Variants in ULK4 observed in about 807,000 individuals in gnomAD.
ULK4 encodes the protein inactive serine/threonine-protein kinase ULK4.
Under a neutral mutation model 160.6 loss-of-function variants are expected in ULK4, and 133 were observed. That is an observed-to-expected ratio of 0.83 (90% CI 0.72 to 0.96). ULK4 has a LOEUF of 0.96. Ranked by LOEUF, ULK4 falls within the 40% of genes least tolerant of loss-of-function variation. The probability of loss-of-function intolerance (pLI) is 0.00; values close to 1 mark genes in which losing one functional copy is unlikely to be tolerated. For synonymous variants in ULK4, 534 were observed against 539.8 expected, an observed-to-expected ratio of 0.99 and a Z score of 0.15; for missense variants, 1,580 against 1,499.5, an observed-to-expected ratio of 1.05 and a Z score of -0.89.
intron 5 of ULK4, among the ~76,000 whole-genome samples, chr3:41,924,941 G>A (rs1221124142): frequency 6.6e-6 from 1 of 152,062 alleles, no homozygotes; most frequent in East Asian, 1.9e-4. Context: ...ATGGCCCAAA[G>A]TCTCAAGTAC....
At chr3:41,801,022 T>A (rs955056766) in intron 19 of ULK4, among the ~76,000 whole-genome samples, 1 of 152,188 alleles carries the variant, frequency 6.6e-6, no homozygotes, top group Non-Finnish European at 1.5e-5. Context: ...AAAATATGAT[T>A]CATAATTCAA....
intron 32 of ULK4, among the ~76,000 whole-genome samples, chr3:41,541,495 T>C (rs899466609): frequency 6.6e-6 from 1 of 152,206 alleles, no homozygotes; most frequent in African/African-American, 2.4e-5. Context: ...TGCTTAGGAT[T>C]GTCTTGGCTA....
At chr3:41,411,375 A>G (rs984861458) in intron 34 of ULK4, among the ~76,000 whole-genome samples, 1 of 151,878 alleles carries the variant, frequency 6.6e-6, no homozygotes, top group African/African-American at 2.4e-5. Context: ...TGCATGTTAA[A>G]ACTTTGTTCT....
rs923961232 is a variant in ULK4 at position 41,442,240 on chromosome 3, A to G, written c.3492+13257T>C. 5.3e-5 allele frequency among the ~76,000 whole-genome samples: 8 copies of G among 152,200 alleles called. No individual in the cohort carries two copies. In the South Asian group the frequency reaches 1.7e-3, roughly 31 times the overall value. ...ACAGGACAGAGGAGGTAGAAATTTA[A>G]TATCATTGTTTGTGCTAAGGAAAAA... is the stretch of plus-strand genomic sequence containing the variant. On this transcript the variant is annotated intron_variant, in intron 34 of 36. Transcript: ENST00000301831.
At chr3:41,760,938 T>G (rs1481891069) in intron 21 of ULK4, among the ~76,000 whole-genome samples, 5 of 152,170 alleles carry the variant, frequency 3.3e-5, no homozygotes, top group African/African-American at 1.2e-4. Flanking sequence ...TACTGATACA[T>G]GCAGTGACAT....
At chr3:41,689,691 T>C (rs1472948099) in intron 27 of ULK4, among the ~76,000 whole-genome samples, 1 of 152,130 alleles carries the variant, frequency 6.6e-6, no homozygotes, top group Non-Finnish European at 1.5e-5. Flanking sequence ...CATGAAAAAA[T>C]GCTCACCATC....
rs1699052722 is a variant in ULK4, at chr3:41,918,530, TG to T, written c.653del (p.Pro218HisfsTer10). On this transcript the variant is annotated frameshift_variant, in exon 7 of 37. Transcript: ENST00000301831. LOFTEE classifies it high-confidence loss of function. ...LLYEMFSGKP[P>X]FFSESISELT... is the part of the protein sequence containing the mutation. ...ATTCTGAAATACTTTCTGAGAAGAA[TG>T]GAGGTTTTCCTGAAATCACATGAAA... 2 of 1,572,850 alleles carry T rather than the reference TG, an allele frequency of 1.3e-6. No individual in the cohort carries two copies. Among genetic ancestry groups the T allele is most frequent in the Non-Finnish European group, 1.7e-6 (2 of 1,160,940 alleles).
chr3:41,706,775 C>CCAAGAT (rs1404984664), intron 25 of ULK4, among the ~76,000 whole-genome samples: 2 of 148,446 alleles, frequency 1.3e-5, no homozygotes, highest in African/African-American at 4.9e-5. Flanking sequence ...TTGTAGTGAG[C>CCAAGAT]CAAGATCATG....
At position 41,718,932 on chromosome 3, in the gene ULK4, T is replaced by A. The variant is rs537680946; in HGVS notation, c.2322-1071A>T. On this transcript the variant is annotated intron_variant, in intron 22 of 36. Transcript: ENST00000301831. The stretch of plus-strand genomic sequence containing the variant: ...TCAGGAAGTTAGCCTTGATTCTGTA[T>A]CAGTTAGCATCTTCTGTTCTAGTCA... 3.9e-5 allele frequency among the ~76,000 whole-genome samples: 6 copies of A among 152,334 alleles called. No individual in the cohort carries two copies. The South Asian group carries it at 8.3e-4, about 21-fold the overall frequency.
chr3:41,348,991 G>C (rs1354190459), intron 35 of ULK4, among the ~76,000 whole-genome samples: 1 of 152,086 alleles, frequency 6.6e-6, no homozygotes, highest in Non-Finnish European at 1.5e-5. Context: ...ATAAAGCTGT[G>C]GGCTAAGTGG....
intron 22 of ULK4, among the ~76,000 whole-genome samples, chr3:41,728,487 A>C (rs2125861415): frequency 6.6e-6 from 1 of 152,268 alleles, no homozygotes; most frequent in South Asian, 2.1e-4. Context: ...TTCATGAGGG[A>C]TCCATCCTCA....
At position 41,273,513 on chromosome 3, in the gene ULK4, C is replaced by T. The variant is rs142791058; in HGVS notation, c.3679-23939G>A. Among the ~76,000 whole-genome samples the T allele has an allele frequency of 5.9e-5, 9 of 152,284 alleles. No individual in the cohort carries two copies. The East Asian group carries it at 1.3e-3, about 23-fold the overall frequency. ...CCATCCATACATTTCCAGGGTTCCGCTCCAGTACTGTGTACTATTGAACAC... is the reference window on the plus strand; with the variant it reads ...CCATCCATACATTTCCAGGGTTCCGTTCCAGTACTGTGTACTATTGAACAC... On this transcript the variant is annotated intron_variant, in intron 35 of 36. Coordinates refer to ENST00000301831, the MANE Select transcript of ULK4 (RefSeq NM_017886.4).
intron 30 of ULK4, among the ~76,000 whole-genome samples, chr3:41,645,416 G>T (rs2034437401): frequency 6.6e-6 from 1 of 152,072 alleles, no homozygotes; most frequent in Non-Finnish European, 1.5e-5. Context: ...TGGTTTCAAA[G>T]AACATCTTTA....
chr3:41,645,145 C>A (rs2034423725), intron 30 of ULK4, among the ~76,000 whole-genome samples: 1 of 151,838 alleles, frequency 6.6e-6, no homozygotes, highest in Admixed American at 6.6e-5. Context: ...AAAAAACCAG[C>A]TCCTGGATTC....
chr3:41,320,637 C>A (rs2080227765), intron 35 of ULK4, among the ~76,000 whole-genome samples: 1 of 152,058 alleles, frequency 6.6e-6, no homozygotes, highest in Non-Finnish European at 1.5e-5. Context: ...CCATCTAGGG[C>A]TGGGTGCAGC....
chr3:41,674,389 C>T (rs905470870), intron 29 of ULK4, among the ~76,000 whole-genome samples: 1 of 152,204 alleles, frequency 6.6e-6, no homozygotes, highest in Non-Finnish European at 1.5e-5. Context: ...CTGTTAAACA[C>T]TGCCTCTTCT....
chr3:41,828,916 C>A (rs2041468036), intron 18 of ULK4, among the ~76,000 whole-genome samples: 1 of 151,722 alleles, frequency 6.6e-6, no homozygotes, highest in East Asian at 1.9e-4. Context: ...CTACGGTAAC[C>A]AAAACAGCAT....
chr3:41,777,975 C>T (rs2039694172), intron 21 of ULK4, among the ~76,000 whole-genome samples: 1 of 134,814 alleles, frequency 7.4e-6, no homozygotes, highest in African/African-American at 2.9e-5. Context: ...GTTGGAAGTT[C>T]TGGCCAGGGC....
chr3:41,492,374 C>T (rs575722401), intron 32 of ULK4, among the ~76,000 whole-genome samples: 4 of 148,656 alleles, frequency 2.7e-5, no homozygotes, highest in Admixed American at 2.0e-4. Flanking sequence ...CCTATTTCTC[C>T]ACATCCTCCC....
Sources: gnomAD v4.1 joint callset for allele counts (sites outside exome capture counted in the v4.1 genomes callset) on GRCh38, gnomAD v4.1.1 for gene constraint, MANE v1.5 for transcripts, NCBI Gene and HGNC (gene_info 2026-07-23, HGNC 2026-07-21) for gene names.